NIPBL: variants seen among roughly 807,000 people sequenced by gnomAD.
NIPBL encodes NIPBL cohesin loading factor.
Under a neutral mutation model 321.8 loss-of-function variants are expected in NIPBL, and 19 were observed. That is an observed-to-expected ratio of 0.06 (90% confidence interval 0.04 to 0.09). NIPBL has a LOEUF of 0.09. Ranked by LOEUF, NIPBL falls within the 10% of genes least tolerant of loss-of-function variation. NIPBL has a pLI of 1.00. For synonymous variants in NIPBL, 1,106 were observed against 1,114.1 expected (o/e 0.99, Z 0.14); for missense variants, 2,210 against 3,327.0 (o/e 0.66, Z 8.26).
In NIPBL at chr5:36,886,051, C is replaced by G. The variant is rs544556528; in HGVS notation, c.-80+8873C>G. ...TTGAGGAGAGCACCACAGTGGTCAC[C>G]ACTCAGTCCGCGCAGGTCGGAGCTG... On this transcript the variant is annotated intron_variant, in intron 1 of 46. Coordinates refer to ENST00000282516, the MANE Select transcript of NIPBL (RefSeq NM_133433.4). 7 of 710,276 alleles carry G rather than the reference C, an allele frequency of 9.9e-6. No homozygotes were observed. In the Admixed American group the frequency reaches 1.2e-4, roughly 13 times the overall value. 44.0% of individuals were successfully genotyped at this position (710,276 alleles called of 1,614,324 possible).
At position 37,014,667 on chromosome 5, in the gene NIPBL, C is replaced by T. The variant is rs115403650; in HGVS notation, c.4561-16C>T. The T allele has an allele frequency of 4.1e-3, 6,344 of 1,544,352 alleles. 227 individuals are homozygous for T. In the African/African-American group the frequency reaches 0.077, roughly 19 times the overall value. On this transcript the variant is annotated splice_polypyrimidine_tract_variant and intron_variant, in intron 21 of 46. Coordinates refer to ENST00000282516, the MANE Select transcript of NIPBL (RefSeq NM_133433.4). The stretch of plus-strand genomic sequence containing the variant: ...TATTTCTTGTATCTTTATAAACTCA[C>T]TTTTTTTCATTCTAGATTGACCAGG...
At chr5:36,999,526 C>T (rs191595676) in intron 11 of NIPBL, among the ~76,000 whole-genome samples, 71 of 152,304 alleles carry the variant, frequency 4.7e-4, no homozygotes, top group African/African-American at 1.6e-3. Context: ...GATGCTTTCT[C>T]AGGGCTTGGG....
intron 16 of NIPBL, among the ~76,000 whole-genome samples, chr5:37,005,323 A>G (rs1239506258): frequency 2.0e-5 from 3 of 152,220 alleles, no homozygotes; most frequent in South Asian, 2.1e-4. Context: ...GTAACAATCT[A>G]CTCCATTGTT....
Position 36,985,683 on chromosome 5 carries a change from G to C in NIPBL, c.2503G>C (p.Gly835Arg). ...CAGGGGTGAATCAGAGCGACATCGA[G>C]GGGATCAGTCTAGGGTTCGAAGACC... Reference protein sequence around the residue: ...DDRGESERHRGDQSRVRRPET... With the variant: ...DDRGESERHRRDQSRVRRPET... The change falls in exon 10 of 47, where the codon GGG becomes CGG. Residue 835 changes from glycine to arginine, a missense_variant. Coordinates refer to ENST00000282516, the MANE Select transcript of NIPBL (RefSeq NM_133433.4). The C allele has an allele frequency of 2.5e-6, 4 of 1,613,880 alleles. No homozygotes were observed. The highest frequency in any genetic ancestry group is 3.4e-6 in the Non-Finnish European group (4 of 1,179,952).
intron 1 of NIPBL, among the ~76,000 whole-genome samples, chr5:36,899,446 CCTTT>C (rs1747036749): frequency 6.6e-6 from 1 of 151,860 alleles, no homozygotes; most frequent in Non-Finnish European, 1.5e-5. Context: ...TTGTTTTATA[CCTTT>C]CTTTGGGAAT....
chr5:36,886,943 A>G (rs1231853107), intron 1 of NIPBL, among the ~76,000 whole-genome samples: 1 of 152,094 alleles, frequency 6.6e-6, no homozygotes, highest in African/African-American at 2.4e-5. Flanking sequence ...GTAGTTTGTC[A>G]ATGACTGAAG....
intron 1 of NIPBL, among the ~76,000 whole-genome samples, chr5:36,948,260 C>A (rs158791): frequency 2.0e-5 from 3 of 151,642 alleles, no homozygotes; most frequent in Non-Finnish European, 4.4e-5. Context: ...AATTGGATGC[C>A]TCATGAAGGA....
chr5:37,054,423 A>G (rs1440748665), intron 42 of NIPBL, among the ~76,000 whole-genome samples: 1 of 152,228 alleles, frequency 6.6e-6, no homozygotes, highest in African/African-American at 2.4e-5. Flanking sequence ...GATATAATGT[A>G]GTGCTTTTGC....
intron 1 of NIPBL, among the ~76,000 whole-genome samples, chr5:36,918,648 A>G (rs1307531667): frequency 6.6e-6 from 1 of 152,020 alleles, no homozygotes; most frequent in Non-Finnish European, 1.5e-5. Context: ...TCAGTATGAT[A>G]TTGGCTGTGG....
At chr5:37,014,578 T>C in intron 21 of NIPBL, 105 bp from the exon 22 acceptor site, 2 of 714,720 alleles carry the variant, frequency 2.8e-6, no homozygotes, top group East Asian at 2.5e-5. Flanking sequence ...TTTAAGCATT[T>C]TAGTATTTAA....
At chr5:36,922,920 C>T (rs1749057383) in intron 1 of NIPBL, among the ~76,000 whole-genome samples, 1 of 152,046 alleles carries the variant, frequency 6.6e-6, no homozygotes, top group African/African-American at 2.4e-5. Flanking sequence ...AGGTCCTTTC[C>T]AGTATTATCT....
intron 9 of NIPBL, among the ~76,000 whole-genome samples, chr5:36,977,054 G>A (rs903912129): frequency 2.0e-5 from 3 of 151,860 alleles, no homozygotes; most frequent in Non-Finnish European, 2.9e-5. Context: ...CTTTCCTTGC[G>A]CTTCATAATC....
intron 1 of NIPBL, among the ~76,000 whole-genome samples, chr5:36,902,118 T>G (rs765544089): frequency 1.3e-5 from 2 of 152,084 alleles, no homozygotes; most frequent in Non-Finnish European, 1.5e-5. Context: ...TGTTTTCTGC[T>G]TGTTACTTTG....
At chr5:36,931,162 A>G (rs1749745643) in intron 1 of NIPBL, among the ~76,000 whole-genome samples, 1 of 152,114 alleles carries the variant, frequency 6.6e-6, no homozygotes, top group Non-Finnish European at 1.5e-5. Flanking sequence ...AAGATTTTTA[A>G]TAAGTAGTTC....
At chr5:37,019,159 AAAT>A in intron 24 of NIPBL, 149 bp from the exon 25 acceptor site, 2 of 643,034 alleles carry the variant, frequency 3.1e-6, no homozygotes, top group Non-Finnish European at 5.5e-6. Flanking sequence ...TATTTTTCGG[AAAT>A]AATATTTTTC....
Position 37,000,895 on chromosome 5 carries a change from CGTTA to C in NIPBL, c.3574+11_3574+14del. On this transcript the variant is annotated splice_region_variant and intron_variant, in intron 13 of 46. Coordinates refer to ENST00000282516, the MANE Select transcript of NIPBL (RefSeq NM_133433.4). ...CCAAAACTAACACCTGAAGGTAACACGTTAGTTTATTTAATTTGTCTTTATTCAT... is the reference window on the plus strand; with the variant it reads ...CCAAAACTAACACCTGAAGGTAACACGTTTATTTAATTTGTCTTTATTCAT... 3 of 1,605,654 alleles carry C rather than the reference CGTTA, an allele frequency of 1.9e-6. No homozygotes were observed. Among genetic ancestry groups the C allele is most frequent in the Non-Finnish European group, 2.6e-6 (3 of 1,172,812 alleles).
chr5:36,990,963 C>T (rs1237378436), intron 10 of NIPBL, among the ~76,000 whole-genome samples: 2 of 151,568 alleles, frequency 1.3e-5, no homozygotes, highest in Non-Finnish European at 1.5e-5. Context: ...AAGAAATAAT[C>T]TTTGACATGC....
intron 1 of NIPBL, among the ~76,000 whole-genome samples, chr5:36,927,327 T>C (rs1749441265): frequency 6.6e-6 from 1 of 152,222 alleles, no homozygotes; most frequent in African/African-American, 2.4e-5. Context: ...TAAAATGTTA[T>C]TCATATTCTA....
rs147563181 is a variant in NIPBL at position 37,024,559 on chromosome 5, T to G, written c.5575-26T>G. The stretch of plus-strand genomic sequence containing the variant: ...CACTAGGCATCTCAATTTTTCTGAC[T>G]CTTAAAAATACCTTTCTGTTTTTAG... On this transcript the variant is annotated intron_variant, in intron 29 of 46. Coordinates refer to ENST00000282516, the MANE Select transcript of NIPBL (RefSeq NM_133433.4). 622 of 1,588,550 alleles carry G rather than the reference T, an allele frequency of 3.9e-4. 3 individuals carry two copies. In the African/African-American group the frequency reaches 7.5e-3, roughly 19 times the overall value.
Sources: gnomAD v4.1 joint callset for allele counts (sites outside exome capture counted in the v4.1 genomes callset) on GRCh38, gnomAD v4.1.1 for gene constraint, MANE v1.5 for transcripts, NCBI Gene and HGNC (gene_info 2026-07-23, HGNC 2026-07-21) for gene names.